PLXDC2: variants seen among roughly 807,000 people sequenced by gnomAD.
The protein encoded by PLXDC2 is plexin domain-containing protein 2.
Under a neutral mutation model 68.9 loss-of-function variants are expected in PLXDC2, and 40 were observed. The ratio of observed to expected loss-of-function variants is 0.58; its 90% CI spans 0.45 to 0.76. PLXDC2 has a LOEUF of 0.76. Ranked by LOEUF, PLXDC2 falls within the 30% of genes least tolerant of loss-of-function variation. The pLI, the probability that PLXDC2 is intolerant of heterozygous loss-of-function variation, is 0.00. For missense variants in PLXDC2, 644 were observed against 661.9 expected (o/e 0.97, Z 0.30); for synonymous variants, 243 against 234.2 (o/e 1.04, Z -0.34).
intron 2 of PLXDC2, among the ~76,000 whole-genome samples, chr10:20,021,194 T>C (rs1425601146): frequency 6.9e-6 from 1 of 145,046 alleles, no homozygotes; most frequent in Non-Finnish European, 1.5e-5. Context: ...TTATCCTGTT[T>C]TTTTTGTTTG....
At chr10:20,117,953 G>A (rs1156244192) in intron 4 of PLXDC2, among the ~76,000 whole-genome samples, 1 of 152,128 alleles carries the variant, frequency 6.6e-6, no homozygotes, top group African/African-American at 2.4e-5. Context: ...CTGCAGTTCA[G>A]ATTTAAAGAT....
At chr10:20,235,976 T>C (rs1210420553) in intron 12 of PLXDC2, among the ~76,000 whole-genome samples, 3 of 152,152 alleles carry the variant, frequency 2.0e-5, no homozygotes, top group Non-Finnish European at 2.9e-5. Context: ...TTTTGTGTAG[T>C]TAAAAACCCT....
chr10:19,922,820 T>C (rs1833482139), intron 1 of PLXDC2, among the ~76,000 whole-genome samples: 1 of 152,176 alleles, frequency 6.6e-6, no homozygotes, highest in Admixed American at 6.5e-5. Context: ...TTCAAGGCAA[T>C]GAAAGCTCAG....
intron 1 of PLXDC2, among the ~76,000 whole-genome samples, chr10:19,972,188 T>C (rs978021470): frequency 3.9e-5 from 6 of 152,172 alleles, no homozygotes; most frequent in Non-Finnish European, 8.8e-5. Context: ...ACTATCAAGA[T>C]ATATCTGGCT....
chr10:19,934,824 G>T (rs1286011963), intron 1 of PLXDC2, among the ~76,000 whole-genome samples: 1 of 152,092 alleles, frequency 6.6e-6, no homozygotes, highest in Admixed American at 6.5e-5. Context: ...ATAATGATAG[G>T]GTCTTCATCA....
rs766437194 is a variant in PLXDC2, at chr10:19,835,933, G to A, written c.112+18742G>A. ...ACAGCCATAATTTCAGCACTTTGGG[G>A]GGCTGACATGGGAGGATCGCTTGAG... On this transcript the variant is annotated intron_variant, in intron 1 of 13. Coordinates refer to ENST00000377252, the MANE Select transcript of PLXDC2 (RefSeq NM_032812.9). Among the ~76,000 whole-genome samples the A allele has an allele frequency of 7.2e-5, 11 of 152,138 alleles. No homozygotes were observed. The South Asian group carries it at 1.2e-3, about 17-fold the overall frequency.
chr10:20,218,162 G>A (rs1835164582), intron 11 of PLXDC2, among the ~76,000 whole-genome samples: 1 of 152,092 alleles, frequency 6.6e-6, no homozygotes, highest in African/African-American at 2.4e-5. Flanking sequence ...AGCTCAGGAG[G>A]AAGAAAGTGT....
At chr10:19,847,179 C>G (rs1178539785) in intron 1 of PLXDC2, among the ~76,000 whole-genome samples, 1 of 152,132 alleles carries the variant, frequency 6.6e-6, no homozygotes, top group East Asian at 1.9e-4. Context: ...TCATTGTGTT[C>G]TATTTTACTT....
chr10:19,867,064 C>CT (rs61651939), intron 1 of PLXDC2, among the ~76,000 whole-genome samples: 44,240 of 124,506 alleles, frequency 0.36, 9,067 homozygotes, highest in African/African-American at 0.55. Flanking sequence ...TCCTTTCCCT[C>CT]TTTTTTTTTT....
chr10:20,258,252 C>T (rs1314852084), intron 13 of PLXDC2, among the ~76,000 whole-genome samples: 5 of 152,088 alleles, frequency 3.3e-5, no homozygotes, highest in South Asian at 4.2e-4. Context: ...CCGCCCGCCT[C>T]GGCTTCCCAA....
intron 2 of PLXDC2, among the ~76,000 whole-genome samples, chr10:20,040,548 T>C (rs1564292358): frequency 6.6e-6 from 1 of 152,174 alleles, no homozygotes; most frequent in Non-Finnish European, 1.5e-5. Flanking sequence ...CTCGTCTTGC[T>C]CTCGACTTTT....
intron 13 of PLXDC2, among the ~76,000 whole-genome samples, chr10:20,275,043 T>A (rs976903481): frequency 3.3e-5 from 5 of 152,052 alleles, no homozygotes; most frequent in Non-Finnish European, 7.4e-5. Context: ...AGAGAAAAAA[T>A]TGTATTTCAA....
intron 2 of PLXDC2, among the ~76,000 whole-genome samples, chr10:20,040,516 G>A (rs904219207): frequency 3.3e-5 from 5 of 152,054 alleles, no homozygotes; most frequent in African/African-American, 1.2e-4. Context: ...TGTATACTCA[G>A]CTACCCTAAT....
At chr10:20,011,433 C>G (rs79832932) in intron 2 of PLXDC2, among the ~76,000 whole-genome samples, 24,366 of 152,182 alleles carry the variant, frequency 0.16, 2,424 homozygotes, top group Non-Finnish European at 0.23. Context: ...CCAGGCTTAA[C>G]TGCCAGCAGT....
At chr10:19,868,234 A>G (rs1837458736) in intron 1 of PLXDC2, among the ~76,000 whole-genome samples, 2 of 152,098 alleles carry the variant, frequency 1.3e-5, no homozygotes, top group South Asian at 4.1e-4. Flanking sequence ...TAGGCATAAT[A>G]CCCGATAGGT....
chr10:20,117,841 A>G (rs887697348), intron 4 of PLXDC2, among the ~76,000 whole-genome samples: 6 of 152,220 alleles, frequency 3.9e-5, no homozygotes, highest in African/African-American at 1.4e-4. Context: ...AGATGAAATT[A>G]ACCAAGATAT....
At chr10:20,020,379 C>T (rs7077535) in intron 2 of PLXDC2, among the ~76,000 whole-genome samples, 34,030 of 151,692 alleles carry the variant, frequency 0.22, 4,729 homozygotes, top group Non-Finnish European at 0.33. Context: ...ATCTTCACTC[C>T]CAGTTCCTCA....
In PLXDC2 at chr10:20,226,960, G is replaced by A. The variant is rs570820402; in HGVS notation, c.1312+7858G>A. Among the ~76,000 whole-genome samples, 10 of 151,490 alleles carry A rather than the reference G, an allele frequency of 6.6e-5. No individual in the cohort carries two copies. The East Asian group carries it at 2.0e-3, about 30-fold the overall frequency. ...GATATATGAGGGGCCCCAGGAACAG[G>A]TTTTGTGTTACCCAATATTTCCAAT... On this transcript the variant is annotated intron_variant, in intron 12 of 13. Coordinates refer to ENST00000377252, the MANE Select transcript of PLXDC2 (RefSeq NM_032812.9).
chr10:19,887,071 A>G (rs1177734424), intron 1 of PLXDC2, among the ~76,000 whole-genome samples: 1 of 152,210 alleles, frequency 6.6e-6, no homozygotes, highest in African/African-American at 2.4e-5. Context: ...ACAGGTTCCC[A>G]GAACACCCTA....
Sources: allele counts gnomAD v4.1 joint callset (sites outside exome capture counted in the v4.1 genomes callset), GRCh38; gene constraint gnomAD v4.1.1; transcripts MANE v1.5; gene names NCBI Gene and HGNC (gene_info 2026-07-23, HGNC 2026-07-21).